The following SHISA9 variants were observed in gnomAD, a reference collection of about 807,000 sequenced individuals.
The protein encoded by SHISA9 is shisa family member 9.
A neutral mutation model predicts 38.0 loss-of-function variants in SHISA9; 13 were observed. The observed-to-expected ratio is 0.34, with a 90% CI of 0.22 to 0.54. The LOEUF (loss-of-function observed/expected upper bound fraction) is 0.54, where lower values mean the gene tolerates loss of function less well. SHISA9 is among the 20% of genes least tolerant of loss of function. The probability of loss-of-function intolerance (pLI) is 0.91; values close to 1 mark genes in which losing one functional copy is unlikely to be tolerated. For synonymous variants in SHISA9, 275 were observed against 242.0 expected, an observed-to-expected ratio of 1.14 and a Z score of -1.27; for missense variants, 538 against 575.8, an observed-to-expected ratio of 0.93 and a Z score of 0.67.
chr16:12,988,780 C>G (rs1473496610), intron 2 of SHISA9, among the ~76,000 whole-genome samples: 1 of 152,098 alleles, frequency 6.6e-6, no homozygotes, highest in Non-Finnish European at 1.5e-5. Context: ...CTGCCTTGGC[C>G]TCCTAAAGTG....
chr16:13,415,799 C>A, the SHISA9 span, among the ~76,000 whole-genome samples: 1 of 122,736 alleles, frequency 8.1e-6, no homozygotes, highest in African/African-American at 2.9e-5. Flanking sequence ...AATCCAGTAA[C>A]CTAACCTTCT....
intron 2 of SHISA9, among the ~76,000 whole-genome samples, chr16:12,992,477 A>G: frequency 6.6e-6 from 1 of 152,028 alleles, no homozygotes; most frequent in Non-Finnish European, 1.5e-5. Context: ...GGTTGCAGTG[A>G]GCCGAGGTTG....
At chr16:13,168,709 G>A (rs982447652) in intron 2 of SHISA9, among the ~76,000 whole-genome samples, 1 of 152,206 alleles carries the variant, frequency 6.6e-6, no homozygotes, top group Non-Finnish European at 1.5e-5. Flanking sequence ...CTAGTTTCTC[G>A]TATTCTGCAT....
chr16:12,919,455 A>T (rs990734886), intron 2 of SHISA9, among the ~76,000 whole-genome samples: 1 of 152,184 alleles, frequency 6.6e-6, no homozygotes, highest in Non-Finnish European at 1.5e-5. Context: ...TGTCATTTTC[A>T]TGTCTATTCA....
chr16:13,187,031 C>T (rs2050831040), intron 2 of SHISA9, among the ~76,000 whole-genome samples: 1 of 152,158 alleles, frequency 6.6e-6, no homozygotes, highest in African/African-American at 2.4e-5. Context: ...CTGCTGTGAA[C>T]ACGGGTCTAC....
At chr16:13,333,387 A>G in the SHISA9 span, among the ~76,000 whole-genome samples, 2 of 152,182 alleles carry the variant, frequency 1.3e-5, no homozygotes, top group African/African-American at 4.8e-5. Flanking sequence ...TATCATTGAT[A>G]TGATTCAAGC....
At chr16:12,938,475 C>T (rs1391079276) in intron 2 of SHISA9, among the ~76,000 whole-genome samples, 1 of 151,988 alleles carries the variant, frequency 6.6e-6, no homozygotes, top group Non-Finnish European at 1.5e-5. Context: ...TTATTGACTC[C>T]TAGGGGCTAA....
At chr16:13,297,719 T>A in the SHISA9 span, among the ~76,000 whole-genome samples, 10 of 152,152 alleles carry the variant, frequency 6.6e-5, no homozygotes, top group Non-Finnish European at 1.3e-4. Flanking sequence ...AGGTGCTCCC[T>A]TCTACAGGGA....
At chr16:13,528,546 C>G in the SHISA9 span, among the ~76,000 whole-genome samples, 27 of 152,278 alleles carry the variant, frequency 1.8e-4, no homozygotes, top group African/African-American at 6.3e-4. Context: ...TATGACCTTT[C>G]CTCATATGAA....
At chr16:12,974,306 G>T (rs1294767669) in intron 2 of SHISA9, among the ~76,000 whole-genome samples, 1 of 152,068 alleles carries the variant, frequency 6.6e-6, no homozygotes, top group African/African-American at 2.4e-5. Flanking sequence ...TCCAATGGAA[G>T]AGAGGTAGTT....
intron 2 of SHISA9, among the ~76,000 whole-genome samples, chr16:13,047,341 A>C (rs937750301): frequency 2.0e-5 from 3 of 151,752 alleles, no homozygotes; most frequent in African/African-American, 7.3e-5. Flanking sequence ...AAAAAAAAAG[A>C]TCAGGAAAAT....
At chr16:13,136,396 C>CTTTTTTTTTTTTT (rs35122409) in intron 2 of SHISA9, among the ~76,000 whole-genome samples, 1 of 68,090 alleles carries the variant, frequency 1.5e-5, no homozygotes, top group African/African-American at 6.3e-5. Flanking sequence ...CAGTTTCCTT[C>CTTTTTTTTTTTTT]TTTTTTTTTT....
At chr16:13,561,500 G>C in the SHISA9 span, among the ~76,000 whole-genome samples, 4 of 152,232 alleles carry the variant, frequency 2.6e-5, no homozygotes, top group African/African-American at 9.6e-5. Context: ...ATGTTCCGTT[G>C]ATAGCTGTCA....
the SHISA9 span, among the ~76,000 whole-genome samples, chr16:13,342,442 C>T: frequency 1.3e-5 from 2 of 152,156 alleles, no homozygotes; most frequent in African/African-American, 4.8e-5. Context: ...CATGTGCCAC[C>T]ATGTCCAGCT....
the SHISA9 span, among the ~76,000 whole-genome samples, chr16:13,281,042 A>G: frequency 6.6e-6 from 1 of 151,820 alleles, no homozygotes; most frequent in Non-Finnish European, 1.5e-5. Flanking sequence ...TTAATATGCC[A>G]TGTAGATACT....
intron 2 of SHISA9, among the ~76,000 whole-genome samples, chr16:13,099,368 G>C (rs1032220593): frequency 2.0e-5 from 3 of 152,158 alleles, no homozygotes; most frequent in African/African-American, 7.2e-5. Context: ...AACTAAACTA[G>C]ATAATATATA....
intron 2 of SHISA9, among the ~76,000 whole-genome samples, chr16:13,036,957 C>T (rs533336597): frequency 6.6e-6 from 1 of 152,108 alleles, no homozygotes; most frequent in South Asian, 2.1e-4. Context: ...GTCTCACCAA[C>T]CACTTGTAAA....
At chr16:13,457,421 T>C in the SHISA9 span, among the ~76,000 whole-genome samples, 1 of 152,136 alleles carries the variant, frequency 6.6e-6, no homozygotes, top group South Asian at 2.1e-4. Context: ...AGAGTAGTCT[T>C]GCCTGGACTG....
At chr16:13,349,450 G>A in the SHISA9 span, among the ~76,000 whole-genome samples, 3 of 152,246 alleles carry the variant, frequency 2.0e-5, no homozygotes, top group African/African-American at 7.2e-5. Flanking sequence ...TGGAGGTCAA[G>A]TGCCAGGTTC....
Sources: allele counts gnomAD v4.1 joint callset (sites outside exome capture counted in the v4.1 genomes callset), GRCh38; gene constraint gnomAD v4.1.1; transcripts MANE v1.5; gene names NCBI Gene and HGNC (gene_info 2026-07-23, HGNC 2026-07-21).